KCNC1: variants seen among roughly 807,000 people sequenced by gnomAD.
KCNC1 encodes voltage-gated potassium channel KCNC1.
A neutral mutation model predicts 43.4 loss-of-function variants in KCNC1; 8 were observed. The ratio of observed to expected loss-of-function variants is 0.18; its 90% confidence interval spans 0.11 to 0.33. KCNC1 has a LOEUF of 0.33. KCNC1 is among the 10% of genes least tolerant of loss of function. KCNC1 has a pLI of 1.00. For missense variants in KCNC1, 420 were observed against 836.0 expected (o/e 0.50, Z 6.14); for synonymous variants, 361 against 360.5 (o/e 1.00, Z -0.01).
intron 1 of KCNC1, among the ~76,000 whole-genome samples, chr11:17,740,978 G>A (rs559832757): frequency 1.3e-5 from 2 of 152,236 alleles, no homozygotes; most frequent in South Asian, 4.1e-4. Flanking sequence ...AGGGCTGGGG[G>A]ACAGAGCTAT....
intron 1 of KCNC1, among the ~76,000 whole-genome samples, chr11:17,743,230 C>G (rs568884362): frequency 6.6e-6 from 1 of 152,212 alleles, no homozygotes; most frequent in African/African-American, 2.4e-5. Flanking sequence ...TTAGCTCATG[C>G]GCGGTGGAGC....
chr11:17,763,835 A>G (rs1317698390), intron 1 of KCNC1, among the ~76,000 whole-genome samples: 1 of 136,696 alleles, frequency 7.3e-6, no homozygotes, highest in African/African-American at 2.8e-5. Context: ...ACACATGCTT[A>G]TATACACATC....
rs1176314990 is a variant in KCNC1, at chr11:17,772,610, C to G, written c.1504+12C>G. On this transcript the variant is annotated intron_variant, in intron 2 of 3. Coordinates refer to ENST00000265969, the MANE Select transcript of KCNC1 (RefSeq NM_001112741.2). ...AATTAACAGAGCAGGTAGGAAACCT[C>G]TTAGAGGCATGTCGATCTGACCTTT... 1.1e-5 allele frequency: 18 copies of G among 1,608,944 alleles called. No homozygotes were observed. The highest frequency in any genetic ancestry group is 5.0e-5 in the Admixed American group (3 of 59,664).
rs749572444 is a variant in KCNC1 at position 17,776,796 on chromosome 11, G to GT, written c.1505-2658dup. 53 of 985,298 alleles carry GT rather than the reference G, an allele frequency of 5.4e-5. No individual in the cohort carries two copies. Among genetic ancestry groups the GT allele is most frequent in the Admixed American group, 2.5e-4 (4 of 16,264 alleles). The allele number at this position is 985,298 out of a possible 1,614,324, so 61.0% of individuals were successfully genotyped here. On this transcript the variant is annotated intron_variant, in intron 2 of 3. Coordinates refer to ENST00000265969, the MANE Select transcript of KCNC1 (RefSeq NM_001112741.2). This position sits in a 1 kb window ranked among gnomAD's most constrained non-coding sequence, Gnocchi z 4.4. ...TTCATGGGTTCCCCAGATTTATACAGTTGGCCCCTCGTTGGTTTCTCTTTC... is the reference window on the plus strand; with the variant it reads ...TTCATGGGTTCCCCAGATTTATACAGTTTGGCCCCTCGTTGGTTTCTCTTTC...
intron 1 of KCNC1, among the ~76,000 whole-genome samples, chr11:17,750,048 G>A (rs2133787216): frequency 6.6e-6 from 1 of 152,224 alleles, no homozygotes; most frequent in East Asian, 1.9e-4. Context: ...GCCTGGCCAG[G>A]CCTGGGTTCT....
At position 17,771,555 on chromosome 11, in the gene KCNC1, G is replaced by T. The variant is rs555448656; in HGVS notation, c.571-110G>T. 10 of 908,478 alleles carry T rather than the reference G, an allele frequency of 1.1e-5. No individual in the cohort carries two copies. The East Asian group carries it at 1.9e-4, about 18-fold the overall frequency. 56.3% of individuals were successfully genotyped at this position (908,478 alleles called of 1,614,324 possible). ...GGGAAATGTAGCACGTGCTGCAGGG[G>T]GCCTGGTGCTGGCATCTCCCCCCGC... is the stretch of plus-strand genomic sequence containing the variant. On this transcript the variant is annotated intron_variant, in intron 1 of 3. Transcript: ENST00000265969. This position sits in a 1 kb window ranked among gnomAD's most constrained non-coding sequence, Gnocchi z 4.7.
In KCNC1 at chr11:17,762,825, T is replaced by C. The variant is rs538169629; in HGVS notation, c.571-8840T>C. Among the ~76,000 whole-genome samples, 7 of 152,190 alleles carry C rather than the reference T, an allele frequency of 4.6e-5. No homozygotes were observed. The East Asian group carries it at 1.4e-3, about 30-fold the overall frequency. On this transcript the variant is annotated intron_variant, in intron 1 of 3. Transcript: ENST00000265969. ...ACCGTGCTGCGCCTTCGTCTCTCCA[T>C]TCCCACCCGCCAGGCAGCTTTTGCA...
rs564699709 is a variant in KCNC1, at chr11:17,771,319, A to G, written c.571-346A>G. On this transcript the variant is annotated intron_variant, in intron 1 of 3. Coordinates refer to ENST00000265969, the MANE Select transcript of KCNC1 (RefSeq NM_001112741.2). This position sits in a 1 kb window ranked among gnomAD's most constrained non-coding sequence, Gnocchi z 4.7. ...ATCACAGTGACTGAACACAATGGAAATTTATTTCCCACTCAGGTAACAGTT... is the reference window on the plus strand; with the variant it reads ...ATCACAGTGACTGAACACAATGGAAGTTTATTTCCCACTCAGGTAACAGTT... 1.9e-4 allele frequency among the ~76,000 whole-genome samples: 29 copies of G among 152,204 alleles called. No individual in the cohort carries two copies. The highest frequency in any genetic ancestry group is 4.1e-4 in the Non-Finnish European group (28 of 68,050).
chr11:17,771,522 C>G lies in KCNC1; in HGVS notation c.571-143C>G. The G allele has an allele frequency of 1.4e-6, 1 of 736,136 alleles. No individual in the cohort carries two copies. Among genetic ancestry groups the G allele is most frequent in the South Asian group, 1.8e-5 (1 of 56,244 alleles). The allele number at this position is 736,136 out of a possible 1,614,324, so 45.6% of individuals were successfully genotyped here. On this transcript the variant is annotated intron_variant, in intron 1 of 3. Coordinates refer to ENST00000265969, the MANE Select transcript of KCNC1 (RefSeq NM_001112741.2). This position sits in a 1 kb window ranked among gnomAD's most constrained non-coding sequence, Gnocchi z 4.7. ...TGACGGTCGTGCAGGCCCCCTGTGC[C>G]CTGAGGAGGGAAATGTAGCACGTGC...
intron 1 of KCNC1, among the ~76,000 whole-genome samples, chr11:17,770,355 A>T (rs910071058): frequency 2.0e-5 from 3 of 152,214 alleles, no homozygotes; most frequent in Non-Finnish European, 4.4e-5. Flanking sequence ...GGGACCCAAA[A>T]GGGTGGGGTG....
chr11:17,765,074 G>A (rs1324831857), intron 1 of KCNC1, among the ~76,000 whole-genome samples: 1 of 152,116 alleles, frequency 6.6e-6, no homozygotes, highest in African/African-American at 2.4e-5. Flanking sequence ...CCCACTGCCC[G>A]CAGCCCTGCC....
chr11:17,774,101 C>G, intron 2 of KCNC1: 11 of 985,600 alleles, frequency 1.1e-5, no homozygotes, highest in Non-Finnish European at 1.2e-5. Flanking sequence ...ATGGGGGTTT[C>G]CCGGTCCTTT....
chr11:17,735,873 G>T lies in KCNC1; in HGVS notation c.-130G>T. ...CTCGTTGGGGTGGCCAGAGCCGCAG[G>T]CCTCTGTTCCCCCCGACGGCTGGGG... On this transcript the variant is annotated 5_prime_UTR_variant, in exon 1 of 4. Coordinates refer to ENST00000265969, the MANE Select transcript of KCNC1 (RefSeq NM_001112741.2). This position sits in a 1 kb window ranked among gnomAD's most constrained non-coding sequence, Gnocchi z 6.7. 1.8e-6 allele frequency: 2 copies of T among 1,083,660 alleles called. No homozygotes were observed. The highest frequency in any genetic ancestry group is 3.1e-5 in the East Asian group (1 of 32,132). The allele number at this position is 1,083,660 out of a possible 1,614,324, so 67.1% of individuals were successfully genotyped here. A position where few individuals can be genotyped will look rare whatever the true frequency, so the allele number is the denominator to read the frequency against.
At chr11:17,769,114 A>G (rs1263335956) in intron 1 of KCNC1, among the ~76,000 whole-genome samples, 1 of 152,026 alleles carries the variant, frequency 6.6e-6, no homozygotes, top group Non-Finnish European at 1.5e-5. Flanking sequence ...CGCCCACATT[A>G]CTCTGACCTT....
chr11:17,749,791 C>T (rs1461369449), intron 1 of KCNC1, among the ~76,000 whole-genome samples: 1 of 152,214 alleles, frequency 6.6e-6, no homozygotes, highest in African/African-American at 2.4e-5. Context: ...CTGCCCTGAC[C>T]CCTGTTCAGC....
chr11:17,739,673 CTGTGTG>C lies in KCNC1; in HGVS notation c.570+3125_570+3130del, dbSNP rs10534547. On this transcript the variant is annotated intron_variant, in intron 1 of 3. Coordinates refer to ENST00000265969, the MANE Select transcript of KCNC1 (RefSeq NM_001112741.2). The surrounding 1 kb of genome is among the most constrained non-coding windows in gnomAD (Gnocchi z 4.2). ...GTATATGTGGAGCTCATGTGTGAGT[CTGTGTG>C]TGTGTGTGTGTGTGTGTGTGTGTAC... 0.15 allele frequency among the ~76,000 whole-genome samples: 21,726 copies of C among 142,950 alleles called. 1,530 individuals are homozygous for C. Among genetic ancestry groups the C allele is most frequent in the South Asian group, 0.23 (1,011 of 4,328 alleles). The allele number at this position is 142,950 out of a possible 152,430, so 93.8% of individuals were successfully genotyped here.
chr11:17,750,819 C>T (rs1848959999), intron 1 of KCNC1, among the ~76,000 whole-genome samples: 1 of 152,182 alleles, frequency 6.6e-6, no homozygotes, highest in East Asian at 1.9e-4. Flanking sequence ...GGAGCCTTTC[C>T]CGACACCCTC....
chr11:17,778,673 C>A (rs1849312769), intron 2 of KCNC1, among the ~76,000 whole-genome samples: 1 of 152,116 alleles, frequency 6.6e-6, no homozygotes, highest in Non-Finnish European at 1.5e-5. Context: ...TCTGCATGGG[C>A]AAAGAGGAGA....
At chr11:17,775,764 T>G (rs1255082776) in intron 2 of KCNC1, 1 of 985,712 alleles carries the variant, frequency 1.0e-6, no homozygotes, top group African/African-American at 1.7e-5. Context: ...GAGCAGTGGG[T>G]GGCCGGTGGA....
Sources: gnomAD v4.1 joint callset for allele counts (sites outside exome capture counted in the v4.1 genomes callset) on GRCh38, gnomAD v4.1.1 for gene constraint, Gnocchi (gnomAD v3.1) non-coding constraint, MANE v1.5 for transcripts, NCBI Gene and HGNC (gene_info 2026-07-23, HGNC 2026-07-21) for gene names.